CIMIP2C: variants seen among roughly 807,000 people sequenced by gnomAD.
The protein encoded by CIMIP2C is ciliary microtubule inner protein 2C.
At chr2:26,567,783 ACCTGTGTTCGGG>A in the CIMIP2C span, among the ~76,000 whole-genome samples, 2 of 152,078 alleles carry the variant, frequency 1.3e-5, no homozygotes, top group African/African-American at 4.8e-5. Context: ...TTTAACTATG[ACCTGTGTTCGGG>A]CCCCATCTAG....
the CIMIP2C span, among the ~76,000 whole-genome samples, chr2:26,571,494 G>A: frequency 6.6e-6 from 1 of 152,212 alleles, no homozygotes; most frequent in Non-Finnish European, 1.5e-5. Context: ...CACCGAGTGA[G>A]GATTGGGCTT....
the CIMIP2C span, chr2:26,562,664 G>C: frequency 6.3e-7 from 1 of 1,580,816 alleles, no homozygotes. Context: ...TGCCGCCTAC[G>C]TGCCCCCTGG....
chr2:26,573,491 C>T, the CIMIP2C span, among the ~76,000 whole-genome samples: 1 of 143,898 alleles, frequency 6.9e-6, no homozygotes, highest in Non-Finnish European at 1.5e-5. Context: ...GACAATGAGG[C>T]CTTGGGTGAA....
the CIMIP2C span, among the ~76,000 whole-genome samples, chr2:26,577,197 A>T: frequency 6.6e-6 from 1 of 152,212 alleles, no homozygotes; most frequent in Non-Finnish European, 1.5e-5. Flanking sequence ...GCCTGTGTGC[A>T]CAGCAGGTGT....
chr2:26,572,285 G>T, the CIMIP2C span: 2 of 844,704 alleles, frequency 2.4e-6, no homozygotes, highest in Non-Finnish European at 3.4e-6. Flanking sequence ...TCCTGGTTCT[G>T]CACTTCAATA....
chr2:26,562,598 A>C, the CIMIP2C span: 1 of 1,567,072 alleles, frequency 6.4e-7, no homozygotes, highest in Non-Finnish European at 8.6e-7. Flanking sequence ...GGCTCGCTGT[A>C]CTCGCGCACC....
At chr2:26,572,928 CT>C in the CIMIP2C span, among the ~76,000 whole-genome samples, 1 of 152,210 alleles carries the variant, frequency 6.6e-6, no homozygotes, top group Admixed American at 6.5e-5. Context: ...CATCACTTGT[CT>C]TTGACATCTT....
At chr2:26,576,055 C>T in the CIMIP2C span, 1 of 1,614,248 alleles carries the variant, frequency 6.2e-7, no homozygotes, top group Non-Finnish European at 8.5e-7. Context: ...TCTTCTCCAC[C>T]AACCCCAACC....
the CIMIP2C span, chr2:26,563,075 CGGCGCACAG>C: frequency 4.3e-6 from 1 of 234,474 alleles, no homozygotes; most frequent in Non-Finnish European, 8.3e-6. Context: ...CCCTTCCGTC[CGGCGCACAG>C]GGCCAGCACC....
the CIMIP2C span, among the ~76,000 whole-genome samples, chr2:26,570,338 G>A: frequency 1.3e-5 from 2 of 152,196 alleles, no homozygotes; most frequent in Non-Finnish European, 1.5e-5. Context: ...CTGCTGATCA[G>A]AGCCACGCTC....
At chr2:26,579,477 T>G in the CIMIP2C span, 1 of 1,603,988 alleles carries the variant, frequency 6.2e-7, no homozygotes, top group Non-Finnish European at 8.5e-7. Context: ...CCTGAGATCC[T>G]GGGTCGTGAC....
the CIMIP2C span, among the ~76,000 whole-genome samples, chr2:26,569,508 T>G: frequency 7.2e-5 from 11 of 152,122 alleles, no homozygotes; most frequent in African/African-American, 2.7e-4. Flanking sequence ...GAGGATGCAT[T>G]GTGGAATGTG....
At chr2:26,562,786 A>G in the CIMIP2C span, 2 of 1,055,518 alleles carry the variant, frequency 1.9e-6, no homozygotes, top group Admixed American at 2.1e-5. Flanking sequence ...GGTTGAAGGA[A>G]CCCCGAGGAG....
At chr2:26,578,334 G>A in the CIMIP2C span, 6 of 173,368 alleles carry the variant, frequency 3.5e-5, no homozygotes, top group East Asian at 9.8e-4. Context: ...TTGGGATTTA[G>A]CTCCATGCCA....
At chr2:26,578,040 C>CT in the CIMIP2C span, 2,854 of 178,290 alleles carry the variant, frequency 0.016, 93 homozygotes, top group African/African-American at 0.064. Flanking sequence ...GAGCAGGAAT[C>CT]TCCCCCGGTC....
the CIMIP2C span, chr2:26,572,153 T>A: frequency 6.5e-7 from 1 of 1,543,352 alleles, no homozygotes; most frequent in Non-Finnish European, 8.7e-7. Flanking sequence ...AGATTCTTAG[T>A]AAGTGCACCC....
the CIMIP2C span, among the ~76,000 whole-genome samples, chr2:26,570,803 A>G: frequency 6.6e-6 from 1 of 152,264 alleles, no homozygotes; most frequent in East Asian, 1.9e-4. Flanking sequence ...GGAGGGGGTG[A>G]TGCTCCATTT....
the CIMIP2C span, among the ~76,000 whole-genome samples, chr2:26,568,862 T>G: frequency 6.6e-6 from 1 of 151,714 alleles, no homozygotes; most frequent in South Asian, 2.1e-4. Context: ...CTCTACTAAA[T>G]GTACAAAAAT....
chr2:26,572,152 G>C, the CIMIP2C span: 1 of 1,542,964 alleles, frequency 6.5e-7, no homozygotes, highest in Non-Finnish European at 8.7e-7. Context: ...GAGATTCTTA[G>C]TAAGTGCACC....
Sources: gnomAD v4.1 joint callset for allele counts (sites outside exome capture counted in the v4.1 genomes callset) on GRCh38, gnomAD v4.1.1 for gene constraint, MANE v1.5 for transcripts, NCBI Gene and HGNC (gene_info 2026-07-23, HGNC 2026-07-21) for gene names.